The following ASTN2 variants were observed in gnomAD, a reference collection of about 807,000 sequenced individuals.
ASTN2 encodes astrotactin-2.
A neutral mutation model predicts 139.8 loss-of-function variants in ASTN2; 54 were observed. That is an observed-to-expected ratio of 0.39 (90% confidence interval 0.31 to 0.48). The LOEUF is 0.48. Ranked by LOEUF, ASTN2 falls within the 20% of genes least tolerant of loss-of-function variation. ASTN2 has a pLI of 0.95. For missense variants in ASTN2, 1,565 were observed against 1,725.1 expected (o/e 0.91, Z 1.64); for synonymous variants, 756 against 719.5 (o/e 1.05, Z -0.81).
intron 13 of ASTN2, among the ~76,000 whole-genome samples, chr9:116,740,687 AT>A (rs909696487): frequency 6.6e-6 from 1 of 150,784 alleles, no homozygotes; most frequent in Non-Finnish European, 1.5e-5. Flanking sequence ...TAATTTTTTA[AT>A]TTTTTTTAGT....
intron 19 of ASTN2, among the ~76,000 whole-genome samples, chr9:116,512,687 T>C (rs1850449411): frequency 6.6e-6 from 1 of 152,224 alleles, no homozygotes; most frequent in African/African-American, 2.4e-5. Context: ...TGGGTGCTCC[T>C]ATATTGGGTG....
intron 20 of ASTN2, among the ~76,000 whole-genome samples, chr9:116,465,088 T>C (rs768912216): frequency 8.5e-5 from 13 of 152,210 alleles, no homozygotes; most frequent in Non-Finnish European, 1.5e-4. Flanking sequence ...GAGCATACCC[T>C]TAGCACACCT....
chr9:116,964,396 T>G (rs529101241), intron 10 of ASTN2, among the ~76,000 whole-genome samples: 93 of 152,288 alleles, frequency 6.1e-4, no homozygotes, highest in Non-Finnish European at 1.1e-3. Context: ...TTAGCTTATC[T>G]TGGTGATCAC....
intron 2 of ASTN2, among the ~76,000 whole-genome samples, chr9:117,245,851 C>A (rs1199486017): frequency 6.6e-6 from 1 of 152,108 alleles, no homozygotes; most frequent in Non-Finnish European, 1.5e-5. Context: ...TTCTTTAGGT[C>A]TCTGCTGCCT....
chr9:117,376,715 T>A (rs942824704), intron 1 of ASTN2, among the ~76,000 whole-genome samples: 2 of 152,176 alleles, frequency 1.3e-5, no homozygotes, highest in African/African-American at 4.8e-5. Context: ...TGGGATCAGT[T>A]TCTGAACTGG....
chr9:116,857,944 C>T (rs536073217), intron 11 of ASTN2, among the ~76,000 whole-genome samples: 10 of 152,288 alleles, frequency 6.6e-5, no homozygotes, highest in East Asian at 3.9e-4. Flanking sequence ...GCACTTAGAA[C>T]GCTGGATCTT....
At chr9:117,220,984 G>C (rs1380093030) in intron 2 of ASTN2, among the ~76,000 whole-genome samples, 1 of 152,134 alleles carries the variant, frequency 6.6e-6, no homozygotes, top group Non-Finnish European at 1.5e-5. Flanking sequence ...CCCATTCAAG[G>C]TCTTGAGTTG....
chr9:116,659,508 G>A (rs1055500676), intron 16 of ASTN2, among the ~76,000 whole-genome samples: 3 of 152,074 alleles, frequency 2.0e-5, no homozygotes, highest in African/African-American at 7.2e-5. Flanking sequence ...GTAAAGTAAC[G>A]TGACCAAAGT....
At chr9:116,951,516 G>C (rs1026200007) in intron 10 of ASTN2, among the ~76,000 whole-genome samples, 3 of 152,068 alleles carry the variant, frequency 2.0e-5, no homozygotes, top group African/African-American at 4.8e-5. Context: ...AAAGATAAAG[G>C]AGAGGGAAGG....
intron 22 of ASTN2, among the ~76,000 whole-genome samples, 179 bp downstream of exon 22, chr9:116,440,430 G>A (rs1182269669): frequency 6.6e-6 from 1 of 152,152 alleles, no homozygotes; most frequent in Non-Finnish European, 1.5e-5. Flanking sequence ...GGAATCTAAA[G>A]TTCCAAGATT....
intron 10 of ASTN2, among the ~76,000 whole-genome samples, chr9:116,928,215 AGT>A (rs1174911521): frequency 1.3e-5 from 2 of 152,210 alleles, no homozygotes; most frequent in Non-Finnish European, 2.9e-5. Context: ...TAGGTCTACC[AGT>A]GTCTATTTTA....
At chr9:117,251,316 G>A (rs560271072) in intron 2 of ASTN2, among the ~76,000 whole-genome samples, 2 of 149,496 alleles carry the variant, frequency 1.3e-5, no homozygotes, top group African/African-American at 2.5e-5. Flanking sequence ...TGCTTTGTGC[G>A]ACACCCTTTA....
intron 1 of ASTN2, among the ~76,000 whole-genome samples, chr9:117,332,820 T>C (rs1419347802): frequency 6.6e-6 from 1 of 152,154 alleles, no homozygotes; most frequent in Non-Finnish European, 1.5e-5. Context: ...TAGTTGGCCT[T>C]AAAAAGCTAT....
chr9:117,291,260 T>A, intron 2 of ASTN2, 66 bp downstream of exon 2: 8 of 1,444,456 alleles, frequency 5.5e-6, no homozygotes, highest in South Asian at 1.2e-5. Flanking sequence ...CCCCGCCCCC[T>A]CCATCTCTCC....
intron 13 of ASTN2, among the ~76,000 whole-genome samples, chr9:116,744,195 A>G (rs1055793710): frequency 2.6e-5 from 4 of 152,156 alleles, no homozygotes; most frequent in African/African-American, 9.7e-5. Context: ...TGTATGGAAG[A>G]GGCACAGATA....
chr9:117,329,161 C>T (rs1828617806), intron 1 of ASTN2, among the ~76,000 whole-genome samples: 2 of 148,564 alleles, frequency 1.3e-5, no homozygotes, highest in African/African-American at 2.5e-5. Context: ...AAGCAGGTAA[C>T]CTACTGCACT....
intron 3 of ASTN2, among the ~76,000 whole-genome samples, chr9:117,143,396 G>C (rs1301002646): frequency 6.6e-6 from 1 of 152,216 alleles, no homozygotes; most frequent in Non-Finnish European, 1.5e-5. Context: ...TAAACCCAGA[G>C]AGAAAAGTGC....
In ASTN2 at chr9:117,171,588, T is replaced by C. The variant is rs74787096; in HGVS notation, c.1016-30110A>G. Among the ~76,000 whole-genome samples, 445 of 152,222 alleles carry C rather than the reference T, an allele frequency of 2.9e-3. 7 individuals carry two copies. The East Asian group carries it at 0.046, about 16-fold the overall frequency. ...AGGGACCTGGTGGGAAGTGACTGGATCATGGGATCGGTTTCCCCCATGCTG... is the reference window on the plus strand; with the variant it reads ...AGGGACCTGGTGGGAAGTGACTGGACCATGGGATCGGTTTCCCCCATGCTG... On this transcript the variant is annotated intron_variant, in intron 3 of 22. Transcript: ENST00000313400.
intron 11 of ASTN2, among the ~76,000 whole-genome samples, chr9:116,847,007 C>CAAA (rs11302692): frequency 2.9e-4 from 22 of 75,878 alleles, no homozygotes; most frequent in African/African-American, 8.9e-4. Context: ...GCTTCATTCT[C>CAAA]AAAAAAAAAA....
Sources: allele counts gnomAD v4.1 joint callset (sites outside exome capture counted in the v4.1 genomes callset), GRCh38; gene constraint gnomAD v4.1.1; transcripts MANE v1.5; gene names NCBI Gene and HGNC (gene_info 2026-07-23, HGNC 2026-07-21).